PTGFRN: variants seen among roughly 807,000 people sequenced by gnomAD.
PTGFRN encodes prostaglandin F2 receptor negative regulator.
In PTGFRN, 35 loss-of-function variants were observed where a neutral mutation model predicts 83.2. That is an observed-to-expected ratio of 0.42 (90% CI 0.32 to 0.56). The LOEUF (loss-of-function observed/expected upper bound fraction) is 0.56. PTGFRN is among the 20% of genes least tolerant of loss of function. The probability of loss-of-function intolerance (pLI) is 0.11; values close to 1 mark genes in which losing one functional copy is unlikely to be tolerated. For synonymous variants in PTGFRN, 519 were observed against 498.6 expected, an observed-to-expected ratio of 1.04 and a Z score of -0.55; for missense variants, 1,051 against 1,179.5, an observed-to-expected ratio of 0.89 and a Z score of 1.60.
intron 5 of PTGFRN, among the ~76,000 whole-genome samples, chr1:116,965,013 CATCTCACTCAGAGCAAA>C: frequency 6.6e-6 from 1 of 152,318 alleles, no homozygotes; most frequent in Admixed American, 6.5e-5. Flanking sequence ...AAAGCCTCCC[CATCTCACTCAGAGCAAA>C]ACCCAGAGTC....
At chr1:116,943,129 T>C (rs1383063788) in intron 2 of PTGFRN, among the ~76,000 whole-genome samples, 1 of 152,168 alleles carries the variant, frequency 6.6e-6, no homozygotes, top group Non-Finnish European at 1.5e-5. Flanking sequence ...AAAGCGAGGG[T>C]TGATTGAGGC....
At chr1:116,975,594 C>T (rs1283511502) in intron 7 of PTGFRN, among the ~76,000 whole-genome samples, 1 of 152,234 alleles carries the variant, frequency 6.6e-6, no homozygotes, top group Non-Finnish European at 1.5e-5. Context: ...ACCTCCACTG[C>T]TGATACCCAG....
chr1:116,934,648 A>G (rs1025199644), intron 1 of PTGFRN, among the ~76,000 whole-genome samples: 2 of 151,834 alleles, frequency 1.3e-5, no homozygotes, highest in African/African-American at 4.9e-5. Flanking sequence ...TAAAACCAAT[A>G]TCTGGATCCC....
At chr1:116,963,647 G>A (rs1316068030) in intron 5 of PTGFRN, among the ~76,000 whole-genome samples, 3 of 152,220 alleles carry the variant, frequency 2.0e-5, no homozygotes, top group African/African-American at 7.2e-5. Context: ...TCACTCTGTT[G>A]CCCAGGCTGG....
chr1:116,914,487 A>T (rs1352339490), intron 1 of PTGFRN, among the ~76,000 whole-genome samples: 1 of 152,202 alleles, frequency 6.6e-6, no homozygotes, highest in Non-Finnish European at 1.5e-5. Context: ...AGGTCAGCTC[A>T]TGCCTGCAAT....
intron 1 of PTGFRN, among the ~76,000 whole-genome samples, chr1:116,911,048 G>A (rs1649260541): frequency 2.0e-5 from 3 of 149,000 alleles, no homozygotes; most frequent in Admixed American, 6.7e-5. Flanking sequence ...ATCTTTTGTG[G>A]GTTTTTTCCC....
chr1:116,978,708 T>C (rs1212062892), intron 7 of PTGFRN, among the ~76,000 whole-genome samples: 1 of 152,206 alleles, frequency 6.6e-6, no homozygotes, highest in Non-Finnish European at 1.5e-5. Context: ...AATTAGGTAT[T>C]GATGGGACGT....
Position 116,944,761 on chromosome 1 carries a change from G to A in PTGFRN, c.501G>A (p.Leu167=). The change falls in exon 3 of 9, where the codon CTG becomes CTA. Residue 167 remains leucine, a synonymous_variant. Transcript: ENST00000393203. ...TGCGGGAGGGGGAGCCCTTCGAGCT[G>A]CGCTGCACCGCCGCCTCCGCCTCGC... ...LSLREGEPFE[L]RCTAASASPL... 1 of 1,550,356 alleles carries A rather than the reference G, an allele frequency of 6.5e-7. No homozygotes were observed. The highest frequency in any genetic ancestry group is 8.7e-7 in the Non-Finnish European group (1 of 1,152,406).
chr1:116,960,288 C>A (rs1013356995), intron 4 of PTGFRN, among the ~76,000 whole-genome samples: 1 of 152,122 alleles, frequency 6.6e-6, no homozygotes, highest in African/African-American at 2.4e-5. Context: ...CTCGAGTAAT[C>A]AGGTGTAGAG....
rs1428408380 is a variant in PTGFRN, at chr1:116,961,547, A to T, written c.1518A>T (p.Thr506=). ...TCAATTTCCGGATCCAAAGGACTAC[A>T]GAGGAAGACAGAGGCAATTATTACT... ...DTFNFRIQRT[T]EEDRGNYYCV... Residue 506 remains threonine, a synonymous_variant, in exon 5 of 9, where the codon ACA becomes ACT. Coordinates refer to ENST00000393203, the MANE Select transcript of PTGFRN (RefSeq NM_020440.4). This position sits in a 1 kb window ranked among gnomAD's most constrained non-coding sequence, Gnocchi z 5.4. 6.2e-7 allele frequency: 1 copy of T among 1,614,216 alleles called. No individual in the cohort carries two copies. The highest frequency in any genetic ancestry group is 1.3e-5 in the African/African-American group (1 of 75,044).
chr1:116,940,792 A>G (rs1228865019), intron 1 of PTGFRN, among the ~76,000 whole-genome samples: 1 of 152,224 alleles, frequency 6.6e-6, no homozygotes, highest in Non-Finnish European at 1.5e-5. Flanking sequence ...ATGTTATTGC[A>G]AGAACATCAC....
rs1253081151 is a variant in PTGFRN at position 116,941,509 on chromosome 1, T to A, written c.50-206T>A. Among the ~76,000 whole-genome samples, 1 of 152,230 alleles carries A rather than the reference T, an allele frequency of 6.6e-6. No individual in the cohort carries two copies. Among genetic ancestry groups the A allele is most frequent in the African/African-American group, 2.4e-5 (1 of 41,464 alleles). ...CCTGTTGGTCCTGGGAAACTGGTTG[T>A]GTGAGAGATGCTCATTTTGAGGTTG... On this transcript the variant is annotated intron_variant, in intron 1 of 8. Coordinates refer to ENST00000393203, the MANE Select transcript of PTGFRN (RefSeq NM_020440.4). This position sits in a 1 kb window ranked among gnomAD's most constrained non-coding sequence, Gnocchi z 5.0.
chr1:116,983,874 T>G (rs919337540), intron 7 of PTGFRN, among the ~76,000 whole-genome samples: 1 of 152,238 alleles, frequency 6.6e-6, no homozygotes, highest in Non-Finnish European at 1.5e-5. Flanking sequence ...TGATAATGGT[T>G]GGTACCAGTC....
In PTGFRN at chr1:116,985,136, A is replaced by G. The variant is rs551977131; in HGVS notation, c.2473+151A>G. On this transcript the variant is annotated intron_variant, in intron 8 of 8. Transcript: ENST00000393203. ...GACCTGGCCTGAGCCTGCACCCAGAAGGGCACCAGCAGCCCTTGCAGTTTC... is the reference window on the plus strand; with the variant it reads ...GACCTGGCCTGAGCCTGCACCCAGAGGGGCACCAGCAGCCCTTGCAGTTTC... 1.4e-4 allele frequency: 110 copies of G among 759,294 alleles called. No individual in the cohort carries two copies. The South Asian group carries it at 2.0e-3, about 14-fold the overall frequency. The allele number at this position is 759,294 out of a possible 1,614,324, so 47.0% of individuals were successfully genotyped here.
At chr1:116,974,490 T>C (rs1163717760) in intron 7 of PTGFRN, 167 bp downstream of exon 7, 15 of 502,332 alleles carry the variant, frequency 3.0e-5, no homozygotes, top group Admixed American at 1.2e-4. Context: ...AAATACATGT[T>C]GAGTGGATGC....
chr1:116,966,632 A>T (rs1011626001), intron 5 of PTGFRN, among the ~76,000 whole-genome samples: 4 of 152,194 alleles, frequency 2.6e-5, no homozygotes, highest in Non-Finnish European at 5.9e-5. Context: ...CTTCCTGGTG[A>T]AACTTCTTAA....
chr1:116,964,539 T>A (rs543905469), intron 5 of PTGFRN, among the ~76,000 whole-genome samples: 1 of 152,184 alleles, frequency 6.6e-6, no homozygotes, highest in Admixed American at 6.5e-5. Flanking sequence ...GGACTTGGAC[T>A]TCTTTTCTAT....
chr1:116,914,949 C>T (rs1377766740), intron 1 of PTGFRN, among the ~76,000 whole-genome samples: 2 of 152,112 alleles, frequency 1.3e-5, no homozygotes, highest in African/African-American at 2.4e-5. Context: ...CAGGCTCTGA[C>T]GTACATTCTG....
chr1:116,989,690 T>G lies in PTGFRN; in HGVS notation c.*2723T>G, dbSNP rs560728634. On this transcript the variant is annotated 3_prime_UTR_variant, in exon 9 of 9. Coordinates refer to ENST00000393203, the MANE Select transcript of PTGFRN (RefSeq NM_020440.4). The stretch of plus-strand genomic sequence containing the variant: ...CTGTAAATTGTTTACTTTATGATGT[T>G]TACATACACGTTTCACTTTGAAAAA... The G allele has an allele frequency of 6.5e-6, 1 of 152,766 alleles. No individual in the cohort carries two copies. The highest frequency in any genetic ancestry group is 1.9e-4 in the East Asian group (1 of 5,194). 9.5% of individuals were successfully genotyped at this position (152,766 alleles called of 1,614,324 possible).
Sources: allele counts gnomAD v4.1 joint callset (sites outside exome capture counted in the v4.1 genomes callset), GRCh38; gene constraint gnomAD v4.1.1; non-coding constraint Gnocchi (gnomAD v3.1); transcripts MANE v1.5; gene names NCBI Gene and HGNC (gene_info 2026-07-23, HGNC 2026-07-21).